BTBD16: variants seen among roughly 807,000 people sequenced by gnomAD.
BTBD16 encodes the protein BTB/POZ domain-containing protein 16.
BTBD16 carries 66 observed loss-of-function variants against 67.4 expected under a neutral mutation model. The ratio of observed to expected loss-of-function variants is 0.98; its 90% CI spans 0.80 to 1.20. The LOEUF (loss-of-function observed/expected upper bound fraction) is 1.20, where lower values mean the gene tolerates loss of function less well. Ranked by LOEUF, BTBD16 falls within the 50% of genes most tolerant of loss-of-function variation. The pLI is 0.00. For synonymous variants in BTBD16, 242 were observed against 236.4 expected (o/e 1.02, Z -0.22); for missense variants, 634 against 616.0 (o/e 1.03, Z -0.31).
At chr10:122,332,684 A>G in intron 13 of BTBD16, 171 bp downstream of exon 13, 1 of 649,260 alleles carries the variant, frequency 1.5e-6, no homozygotes, top group South Asian at 6.9e-5. Context: ...AGGAAATAAA[A>G]TTCACAAGGG....
chr10:122,296,417 G>GGATACATTTAA (rs2096383271), intron 7 of BTBD16, among the ~76,000 whole-genome samples: 1 of 152,192 alleles, frequency 6.6e-6, no homozygotes, highest in Non-Finnish European at 1.5e-5. Flanking sequence ...ATAAGTGCAA[G>GGATACATTTAA]AGGTACTGGA....
At position 122,332,591 on chromosome 10, in the gene BTBD16, G is replaced by T. The variant is rs541462248; in HGVS notation, c.1164+78G>T. Reference sequence around the variant, plus strand: ...TTAAGAACCTTTGGAGGGCAGCCATGATCACTTCTGGCTCCTGGTAGGAAG... The same window carrying T: ...TTAAGAACCTTTGGAGGGCAGCCATTATCACTTCTGGCTCCTGGTAGGAAG... On this transcript the variant is annotated intron_variant, in intron 13 of 15. Transcript: ENST00000260723. The T allele has an allele frequency of 2.1e-6, 3 of 1,438,788 alleles. No individual in the cohort carries two copies. In the African/African-American group the frequency reaches 4.2e-5, roughly 20 times the overall value. 89.1% of individuals were successfully genotyped at this position (1,438,788 alleles called of 1,614,324 possible).
intron 8 of BTBD16, among the ~76,000 whole-genome samples, chr10:122,298,526 G>A (rs558286146): frequency 3.3e-5 from 5 of 152,176 alleles, no homozygotes; most frequent in Non-Finnish European, 5.9e-5. Context: ...GCTCTAAGAC[G>A]CCTTTTCCAC....
intron 1 of BTBD16, among the ~76,000 whole-genome samples, chr10:122,274,510 ATAATCAAATGGG>A (rs1170594313): frequency 7.9e-5 from 12 of 152,014 alleles, no homozygotes; most frequent in African/African-American, 2.7e-4. Flanking sequence ...CCGCAACCCC[ATAATCAAATGGG>A]TTTCTGTTGC....
intron 10 of BTBD16, 68 bp from the exon 11 acceptor site, chr10:122,329,412 C>G: frequency 6.6e-7 from 1 of 1,511,604 alleles, no homozygotes; most frequent in South Asian, 1.1e-5. Context: ...ATGGCTTTCC[C>G]TAGCCCGAGC....
In BTBD16 at chr10:122,336,567, G is replaced by A. The variant is rs760217326; in HGVS notation, c.1337G>A (p.Arg446His). The A allele has an allele frequency of 8.7e-6, 14 of 1,613,030 alleles. No homozygotes were observed. The highest frequency in any genetic ancestry group is 1.1e-5 in the Non-Finnish European group (13 of 1,179,714). ...EHNHVSLRAA[R>H]LVKYEIRAEA... is the part of the protein sequence containing the mutation. ...AACCACGTCAGCCTGCGAGCGGCAC[G>A]CCTGGTGAAGTATGAGATCAGAGCA... Residue 446 changes from arginine to histidine, a missense_variant, in exon 15 of 16, where the codon CGC becomes CAC. By Grantham distance (29) the Arg-to-His change is conservative. Transcript: ENST00000260723.
rs1045440557 is a variant in BTBD16, at chr10:122,290,964, C to T, written c.476-116C>T. 2.5e-5 allele frequency: 35 copies of T among 1,391,000 alleles called. No homozygotes were observed. The African/African-American group carries it at 3.5e-4, about 14-fold the overall frequency. The allele number at this position is 1,391,000 out of a possible 1,614,324, so 86.2% of individuals were successfully genotyped here. ...GTGCCTGCATCCAGGTGAGAGGTGG[C>T]GCATTTTCTCTAAGGGCACCTCTGC... is the stretch of plus-strand genomic sequence containing the variant. On this transcript the variant is annotated intron_variant, in intron 6 of 15. Coordinates refer to ENST00000260723, the MANE Select transcript of BTBD16 (RefSeq NM_144587.5).
intron 9 of BTBD16, among the ~76,000 whole-genome samples, chr10:122,299,943 CT>C (rs1375008833): frequency 6.6e-6 from 1 of 152,194 alleles, no homozygotes; most frequent in Non-Finnish European, 1.5e-5. Context: ...GGGGCCCCCC[CT>C]GAAACTTCCC....
chr10:122,309,563 T>C (rs1462905897), intron 10 of BTBD16, among the ~76,000 whole-genome samples: 3 of 151,946 alleles, frequency 2.0e-5, no homozygotes, highest in Non-Finnish European at 4.4e-5. Flanking sequence ...CAGAATGGTC[T>C]CGATCTCTTG....
intron 12 of BTBD16, 64 bp from the exon 13 acceptor site, chr10:122,332,372 A>C: frequency 6.6e-7 from 1 of 1,514,628 alleles, no homozygotes; most frequent in Non-Finnish European, 9.1e-7. Context: ...AGGCATGAAG[A>C]TGAAGAGAGG....
intron 9 of BTBD16, among the ~76,000 whole-genome samples, chr10:122,299,746 A>G (rs1350278880): frequency 6.6e-6 from 1 of 152,122 alleles, no homozygotes; most frequent in African/African-American, 2.4e-5. Context: ...GTCCAGCGCT[A>G]TGGGCCTCGC....
At chr10:122,273,605 A>G (rs1190622518) in intron 1 of BTBD16, among the ~76,000 whole-genome samples, 2 of 152,102 alleles carry the variant, frequency 1.3e-5, no homozygotes, top group African/African-American at 4.8e-5. Flanking sequence ...AAAATTAGCC[A>G]GGTGTGGTAG....
At chr10:122,317,564 G>A (rs906540357) in intron 10 of BTBD16, among the ~76,000 whole-genome samples, 15 of 151,984 alleles carry the variant, frequency 9.9e-5, no homozygotes, top group Admixed American at 5.2e-4. Context: ...GGAGAATGGC[G>A]TGAACCTGGG....
intron 10 of BTBD16, among the ~76,000 whole-genome samples, chr10:122,316,655 TAAAA>T (rs375382802): frequency 1.7e-4 from 26 of 150,994 alleles, no homozygotes; most frequent in African/African-American, 5.8e-4. Context: ...ATGTAAAAGA[TAAAA>T]AAAAAGGATA....
chr10:122,273,221 G>GATATATATATAT lies in BTBD16; in HGVS notation c.-43+1721_-43+1732dup, dbSNP rs71715395. 9.4e-3 allele frequency among the ~76,000 whole-genome samples: 1,219 copies of GATATATATATAT among 129,362 alleles called. 13 individuals are homozygous for GATATATATATAT. The highest frequency in any genetic ancestry group is 0.03 in the East Asian group (132 of 4,416). 84.9% of individuals were successfully genotyped at this position (129,362 alleles called of 152,430 possible). ...ATAGAAATAAAAACAGCAACACAAAGATATATATATATATATATATATATA... is the reference window on the plus strand; with the variant it reads ...ATAGAAATAAAAACAGCAACACAAAGATATATATATATATATATATATATATATATATATATA... On this transcript the variant is annotated intron_variant, in intron 1 of 15. Coordinates refer to ENST00000260723, the MANE Select transcript of BTBD16 (RefSeq NM_144587.5).
At chr10:122,297,940 C>A in intron 8 of BTBD16, 103 bp downstream of exon 8, 1 of 936,178 alleles carries the variant, frequency 1.1e-6, no homozygotes, top group Non-Finnish European at 1.7e-6. Flanking sequence ...CCCAGAATAT[C>A]TATTTGAAGT....
At chr10:122,284,048 C>T (rs916584392) in intron 4 of BTBD16, 124 bp downstream of exon 4, 1 of 691,794 alleles carries the variant, frequency 1.4e-6, no homozygotes. Context: ...AATTCTCATC[C>T]ACTTCCCAGC....
chr10:122,291,231 C>G, intron 7 of BTBD16, 37 bp downstream of exon 7: 1 of 1,589,500 alleles, frequency 6.3e-7, no homozygotes, highest in Non-Finnish European at 8.6e-7. Flanking sequence ...AGGGCCGGGC[C>G]TGGGGGAAAT....
intron 9 of BTBD16, among the ~76,000 whole-genome samples, chr10:122,301,947 A>G (rs1033450432): frequency 6.6e-6 from 1 of 152,182 alleles, no homozygotes; most frequent in African/African-American, 2.4e-5. Flanking sequence ...ACCAGCAACT[A>G]AAAGGACATA....
Sources: gnomAD v4.1 joint callset for allele counts (sites outside exome capture counted in the v4.1 genomes callset) on GRCh38, gnomAD v4.1.1 for gene constraint, MANE v1.5 for transcripts, NCBI Gene and HGNC (gene_info 2026-07-23, HGNC 2026-07-21) for gene names.